The following CLEC16A variants were observed in gnomAD, a reference collection of about 807,000 sequenced individuals.
CLEC16A encodes the protein protein CLEC16A.
In CLEC16A, 51 loss-of-function variants were observed where a neutral mutation model predicts 109.5. The ratio of observed to expected loss-of-function variants is 0.47; its 90% CI spans 0.37 to 0.59. The LOEUF is 0.59. Ranked by LOEUF, CLEC16A falls within the 20% of genes least tolerant of loss-of-function variation. The pLI, the probability that CLEC16A is intolerant of heterozygous loss-of-function variation, is 0.00. For missense variants in CLEC16A, 1,339 were observed against 1,394.0 expected, an observed-to-expected ratio of 0.96 and a Z score of 0.63; for synonymous variants, 673 against 564.2, an observed-to-expected ratio of 1.19 and a Z score of -2.73.
At chr16:11,074,742 G>A (rs969286850) in intron 19 of CLEC16A, among the ~76,000 whole-genome samples, 6 of 152,210 alleles carry the variant, frequency 3.9e-5, no homozygotes, top group Admixed American at 3.9e-4. Context: ...CTCTAGGACA[G>A]TTCTTCTGAA....
intron 19 of CLEC16A, among the ~76,000 whole-genome samples, chr16:11,113,475 A>G (rs545592102): frequency 1.6e-4 from 25 of 152,234 alleles, no homozygotes; most frequent in Admixed American, 7.8e-4. Flanking sequence ...CCTGGGCAAC[A>G]TGGCACAACC....
intron 19 of CLEC16A, among the ~76,000 whole-genome samples, chr16:11,103,200 GC>G (rs1000943862): frequency 1.3e-5 from 2 of 152,226 alleles, no homozygotes; most frequent in Non-Finnish European, 2.9e-5. Context: ...CTGGGGAGGA[GC>G]CAGCAGTCCC....
intron 10 of CLEC16A, among the ~76,000 whole-genome samples, chr16:10,987,397 A>G (rs1419980477): frequency 6.6e-6 from 1 of 152,190 alleles, no homozygotes; most frequent in Non-Finnish European, 1.5e-5. Flanking sequence ...TAGCTCAACC[A>G]TTTAGTCAGG....
chr16:10,977,131 G>T (rs2043068273), intron 7 of CLEC16A, 94 bp from the exon 8 acceptor site: 10 of 1,139,730 alleles, frequency 8.8e-6, no homozygotes, highest in Non-Finnish European at 1.0e-5. Context: ...ATATGTGGAT[G>T]AACTCACAGT....
intron 13 of CLEC16A, among the ~76,000 whole-genome samples, chr16:11,029,428 A>G (rs965182561): frequency 6.6e-6 from 1 of 152,154 alleles, no homozygotes; most frequent in African/African-American, 2.4e-5. Flanking sequence ...TATCTTGTCC[A>G]TGAATTTTAA....
At chr16:11,155,811 G>A (rs2054490327) in intron 22 of CLEC16A, among the ~76,000 whole-genome samples, 1 of 152,198 alleles carries the variant, frequency 6.6e-6, no homozygotes. Context: ...TCGGAGTCCT[G>A]GCGAACACAA....
At chr16:11,008,440 C>G (rs2045175464) in intron 11 of CLEC16A, among the ~76,000 whole-genome samples, 1 of 152,080 alleles carries the variant, frequency 6.6e-6, no homozygotes, top group African/African-American at 2.4e-5. Context: ...ATGAGTGTGT[C>G]AGAGTATCAG....
At chr16:11,127,129 T>G (rs2052881449) in intron 22 of CLEC16A, among the ~76,000 whole-genome samples, 1 of 152,224 alleles carries the variant, frequency 6.6e-6, no homozygotes, top group South Asian at 2.1e-4. Context: ...TTGTTAACAG[T>G]TTCTTGCCTG....
intron 19 of CLEC16A, among the ~76,000 whole-genome samples, chr16:11,098,622 G>A (rs899003740): frequency 2.0e-5 from 3 of 152,202 alleles, no homozygotes; most frequent in East Asian, 3.8e-4. Context: ...CCAGCCTGGT[G>A]GGGCTGGAGT....
At chr16:11,146,804 C>T (rs766282318) in intron 22 of CLEC16A, among the ~76,000 whole-genome samples, 7 of 152,058 alleles carry the variant, frequency 4.6e-5, no homozygotes, top group Non-Finnish European at 8.8e-5. Context: ...GTGGAGCCAA[C>T]AGATCTTTAA....
intron 11 of CLEC16A, among the ~76,000 whole-genome samples, chr16:11,008,574 A>G (rs2045186798): frequency 6.6e-6 from 1 of 152,052 alleles, no homozygotes; most frequent in African/African-American, 2.4e-5. Context: ...CACTAGTTGG[A>G]CAACAAGTGG....
intron 18 of CLEC16A, chr16:11,057,092 A>T: frequency 6.4e-6 from 1 of 155,248 alleles, no homozygotes. Context: ...AAGTTCCCAG[A>T]AGCGGAATTT....
At position 11,131,660 on chromosome 16, in the gene CLEC16A, C is replaced by T. The variant is rs985570886; in HGVS notation, c.2641+5514C>T. 8.5e-5 allele frequency among the ~76,000 whole-genome samples: 13 copies of T among 152,260 alleles called. No individual in the cohort carries two copies. In the South Asian group the frequency reaches 1.0e-3, roughly 12 times the overall value. On this transcript the variant is annotated intron_variant, in intron 22 of 23. Coordinates refer to ENST00000409790, the MANE Select transcript of CLEC16A (RefSeq NM_015226.3). ...TGTTCCCACCTGGTTTACCATCAAC[C>T]GCTCCCCACCAGCCTGTTAACTCCG...
At chr16:10,963,884 GC>G (rs899021796) in intron 3 of CLEC16A, among the ~76,000 whole-genome samples, 13 of 152,300 alleles carry the variant, frequency 8.5e-5, no homozygotes, top group African/African-American at 3.1e-4. Context: ...CTAAGGACAG[GC>G]CCCCCACAAC....
At chr16:11,136,840 C>A (rs1010658140) in intron 22 of CLEC16A, among the ~76,000 whole-genome samples, 2 of 152,212 alleles carry the variant, frequency 1.3e-5, no homozygotes, top group Non-Finnish European at 2.9e-5. Context: ...ATTGGCACTG[C>A]GCCCATCTGA....
chr16:11,113,473 A>T (rs1477663288), intron 19 of CLEC16A, among the ~76,000 whole-genome samples: 5 of 152,130 alleles, frequency 3.3e-5, no homozygotes, highest in Admixed American at 3.3e-4. Context: ...AGCCTGGGCA[A>T]CATGGCACAA....
At chr16:11,109,664 ACCACAGCCCCTC>A (rs1246515597) in intron 19 of CLEC16A, among the ~76,000 whole-genome samples, 3 of 152,140 alleles carry the variant, frequency 2.0e-5, no homozygotes, top group Admixed American at 6.5e-5. Context: ...AGGGGCCAAG[ACCACAGCCCCTC>A]CCTCACACGT....
intron 11 of CLEC16A, among the ~76,000 whole-genome samples, chr16:11,015,568 A>C (rs569190065): frequency 1.3e-5 from 2 of 152,308 alleles, no homozygotes; most frequent in African/African-American, 4.8e-5. Flanking sequence ...TTCCTGGAGC[A>C]GCTCTGCGCT....
At position 11,123,908 on chromosome 16, in the gene CLEC16A, G is replaced by T. The variant is rs771251015; in HGVS notation, c.2435G>T (p.Arg812Leu). The T allele has an allele frequency of 6.2e-7, 1 of 1,613,396 alleles. No individual in the cohort carries two copies. Among genetic ancestry groups the T allele is most frequent in the Non-Finnish European group, 8.5e-7 (1 of 1,179,682 alleles). The change falls in exon 21 of 24, where the codon CGC becomes CTC. Residue 812 changes from arginine (R) to leucine (L), a missense_variant. By Grantham distance (102) the Arg-to-Leu change is moderately radical. This residue lies in a region of CLEC16A where 1,061 missense variants were observed against 1,006.8 expected (regional missense o/e 1.05). Coordinates refer to ENST00000409790, the MANE Select transcript of CLEC16A (RefSeq NM_015226.3). ...GCCAAGCAGCGCCTGGCCAAAGGCC[G>T]CATCCAGGCAAGGCGCATGAAGATG... ...IIAKQRLAKG[R>L]IQARRMKMQR...
Sources: gnomAD v4.1 joint callset for allele counts (sites outside exome capture counted in the v4.1 genomes callset) on GRCh38, gnomAD v4.1.1 for gene constraint, gnomAD v4.1.1 regional missense constraint, MANE v1.5 for transcripts, NCBI Gene and HGNC (gene_info 2026-07-23, HGNC 2026-07-21) for gene names.